PSIP1: variants seen among roughly 807,000 people sequenced by gnomAD.
PSIP1 encodes the protein PC4 and SFRS1-interacting protein.
PSIP1 carries 19 observed loss-of-function variants against 74.7 expected under a neutral mutation model. The observed-to-expected ratio is 0.25, with a 90% CI of 0.18 to 0.37. PSIP1 has a LOEUF of 0.37. PSIP1 is among the 10% of genes least tolerant of loss of function. The pLI is 1.00. For missense variants in PSIP1, 601 were observed against 614.3 expected (o/e 0.98, Z 0.23); for synonymous variants, 222 against 195.3 (o/e 1.14, Z -1.14).
intron 9 of PSIP1, 139 bp from the exon 10 acceptor site, chr9:15,472,889 T>A: frequency 1.3e-6 from 1 of 744,736 alleles, no homozygotes; most frequent in Non-Finnish European, 2.2e-6. Flanking sequence ...AAAAATAGTC[T>A]TTGAATTACA....
chr9:15,510,608 G>C (rs1390301762), intron 1 of PSIP1, among the ~76,000 whole-genome samples: 2 of 152,112 alleles, frequency 1.3e-5, no homozygotes, highest in Admixed American at 6.5e-5. Flanking sequence ...AGCCCCAAAA[G>C]GGAGGGGGTG....
At chr9:15,507,468 T>C (rs1172893735) in intron 2 of PSIP1, among the ~76,000 whole-genome samples, 1 of 151,968 alleles carries the variant, frequency 6.6e-6, no homozygotes, top group Non-Finnish European at 1.5e-5. Context: ...ACCAATATGG[T>C]GAAACCCGGT....
chr9:15,496,727 A>C (rs954517507), intron 3 of PSIP1, among the ~76,000 whole-genome samples: 1 of 152,220 alleles, frequency 6.6e-6, no homozygotes, highest in Non-Finnish European at 1.5e-5. Context: ...CCAAAAATTA[A>C]ATAACTATGT....
chr9:15,470,896 T>G, intron 10 of PSIP1: 1 of 1,117,284 alleles, frequency 9.0e-7, no homozygotes, highest in Non-Finnish European at 1.1e-6. Context: ...CTGAGCTTGT[T>G]ATTACTTTCA....
chr9:15,476,441 C>T (rs1289498571), intron 8 of PSIP1, among the ~76,000 whole-genome samples: 1 of 152,020 alleles, frequency 6.6e-6, no homozygotes, highest in Non-Finnish European at 1.5e-5. Context: ...ATACTGGTAG[C>T]GTGAAATGAC....
chr9:15,497,449 C>A (rs994512430), intron 3 of PSIP1, among the ~76,000 whole-genome samples: 1 of 151,630 alleles, frequency 6.6e-6, no homozygotes, highest in African/African-American at 2.4e-5. Context: ...GCCTTAGCCT[C>A]CCAAGTAGCT....
intron 3 of PSIP1, among the ~76,000 whole-genome samples, chr9:15,496,670 A>G (rs745743242): frequency 1.3e-5 from 2 of 152,234 alleles, no homozygotes; most frequent in African/African-American, 2.4e-5. Context: ...ATTATTAACC[A>G]TAATGGTTCA....
chr9:15,499,650 G>C (rs556562004), intron 3 of PSIP1, among the ~76,000 whole-genome samples: 1 of 152,186 alleles, frequency 6.6e-6, no homozygotes, highest in South Asian at 2.1e-4. Flanking sequence ...GAGGTGGGAG[G>C]AACATTTGAG....
intron 3 of PSIP1, among the ~76,000 whole-genome samples, chr9:15,494,538 C>A (rs2036982230): frequency 7.4e-6 from 1 of 135,064 alleles, no homozygotes; most frequent in African/African-American, 2.9e-5. Flanking sequence ...GCACTCCAGC[C>A]TGGGCAACAA....
rs1168887319 is a variant in PSIP1 at position 15,471,422 on chromosome 9, ATAACTT to A, written c.977+1204_977+1209del. The stretch of plus-strand genomic sequence containing the variant: ...TCAAAAGAAACTGAAATACATAAAG[ATAACTT>A]TAAGATACTAAAGAAGGGTTGGGCT... On this transcript the variant is annotated intron_variant, in intron 10 of 15. Transcript: ENST00000380733. 2.1e-5 allele frequency: 31 copies of A among 1,471,454 alleles called. No homozygotes were observed. In the East Asian group the frequency reaches 7.2e-4, roughly 34 times the overall value. 91.1% of individuals were successfully genotyped at this position (1,471,454 alleles called of 1,614,324 possible).
intron 3 of PSIP1, among the ~76,000 whole-genome samples, chr9:15,492,799 A>C (rs1247704170): frequency 6.6e-6 from 1 of 152,124 alleles, no homozygotes; most frequent in Non-Finnish European, 1.5e-5. Context: ...CGCAGACCCA[A>C]CACCATGTGG....
In PSIP1 at chr9:15,483,535, T is replaced by A. The variant is rs143004871; in HGVS notation, c.456+2471A>T. Among the ~76,000 whole-genome samples the A allele has an allele frequency of 7.2e-5, 11 of 152,280 alleles. No homozygotes were observed. The East Asian group carries it at 2.1e-3, about 29-fold the overall frequency. On this transcript the variant is annotated intron_variant, in intron 6 of 15. Coordinates refer to ENST00000380733, the MANE Select transcript of PSIP1 (RefSeq NM_033222.5). The stretch of plus-strand genomic sequence containing the variant: ...CTGTTGCCAACTCATTAACTCCCCA[T>A]TTAAACCCTCTTATTTTAAATATTT...
chr9:15,474,453 A>ATGGAACTCTTATGG (rs1222614013), intron 8 of PSIP1, among the ~76,000 whole-genome samples: 10 of 152,218 alleles, frequency 6.6e-5, no homozygotes, highest in Non-Finnish European at 1.5e-4. Context: ...TATGGAACTT[A>ATGGAACTCTTATGG]AATTCTACAT....
intron 13 of PSIP1, 55 bp from the exon 14 acceptor site, chr9:15,468,898 A>T (rs2035734997): frequency 1.9e-6 from 3 of 1,603,814 alleles, no homozygotes; most frequent in South Asian, 2.2e-5. Flanking sequence ...TTTTTTAAAC[A>T]ATTTTTAAAT....
Position 15,500,644 on chromosome 9 carries a change from C to G in PSIP1, c.149+5917G>C, listed in dbSNP as rs187041279. Among the ~76,000 whole-genome samples the G allele has an allele frequency of 2.6e-5, 4 of 152,258 alleles. No individual in the cohort carries two copies. In the East Asian group the frequency reaches 7.7e-4, roughly 29 times the overall value. On this transcript the variant is annotated intron_variant, in intron 3 of 15. Transcript: ENST00000380733. ...TTACTTTATTTTCTTCTTGTCACCA[C>G]TATCAGTACCTCTGCACTGACCTTC... is the stretch of plus-strand genomic sequence containing the variant.
rs2035554537 is a variant in PSIP1, at chr9:15,465,467, A to G, written c.*53T>C. 2 of 1,431,820 alleles carry G rather than the reference A, an allele frequency of 1.4e-6. No individual in the cohort carries two copies. The highest frequency in any genetic ancestry group is 1.9e-6 in the Non-Finnish European group (2 of 1,039,086). 88.7% of individuals were successfully genotyped at this position (1,431,820 alleles called of 1,614,324 possible). On this transcript the variant is annotated 3_prime_UTR_variant, in exon 16 of 16. Coordinates refer to ENST00000380733, the MANE Select transcript of PSIP1 (RefSeq NM_033222.5). ...TAAAACTTTCAGCAGTCTATTTCAA[A>G]TGAAAACCATTACAAACTTCTCAAG...
At chr9:15,471,681 A>T (rs2035837363) in intron 10 of PSIP1, 1 of 958,480 alleles carries the variant, frequency 1.0e-6, no homozygotes, top group African/African-American at 1.8e-5. Context: ...AGCTAAAACT[A>T]CTTGTATATC....
At chr9:15,472,815 T>C (rs574262158) in intron 9 of PSIP1, 65 bp from the exon 10 acceptor site, 28 of 1,415,212 alleles carry the variant, frequency 2.0e-5, no homozygotes, top group African/African-American at 3.0e-5. Flanking sequence ...TATGGAATTA[T>C]AATCTTGGGG....
At chr9:15,469,525 GA>G (rs2035751447) in intron 11 of PSIP1, among the ~76,000 whole-genome samples, 189 bp from the exon 12 acceptor site, 1 of 152,080 alleles carries the variant, frequency 6.6e-6, no homozygotes, top group East Asian at 1.9e-4. Flanking sequence ...TAGTGGTTGA[GA>G]AAAGCAACAT....
Sources: allele counts gnomAD v4.1 joint callset (sites outside exome capture counted in the v4.1 genomes callset), GRCh38; gene constraint gnomAD v4.1.1; transcripts MANE v1.5; gene names NCBI Gene and HGNC (gene_info 2026-07-23, HGNC 2026-07-21).